The following KIAA1549 variants were observed in gnomAD, a reference collection of about 807,000 sequenced individuals.
KIAA1549 encodes the protein KIAA1549.
In KIAA1549, 70 loss-of-function variants were observed where a neutral mutation model predicts 156.4. That is an observed-to-expected ratio of 0.45 (90% CI 0.37 to 0.55). The LOEUF (loss-of-function observed/expected upper bound fraction) is 0.55. Among genes scored for constraint, KIAA1549 ranks in the 20% least tolerant of loss-of-function variants. KIAA1549 has a pLI of 0.00. For missense variants in KIAA1549, 2,428 were observed against 2,540.9 expected (o/e 0.96, Z 0.96); for synonymous variants, 1,103 against 1,066.4 (o/e 1.03, Z -0.67).
At chr7:138,860,293 C>T (rs1810534882) in intron 16 of KIAA1549, among the ~76,000 whole-genome samples, 2 of 152,198 alleles carry the variant, frequency 1.3e-5, no homozygotes, top group Non-Finnish European at 1.5e-5. Flanking sequence ...CCTCCCATGC[C>T]CTGAAGGAGA....
intron 1 of KIAA1549, among the ~76,000 whole-genome samples, chr7:138,969,834 C>G (rs1234032934): frequency 1.3e-5 from 2 of 152,316 alleles, no homozygotes; most frequent in African/African-American, 4.8e-5. Flanking sequence ...CTCAGGTGAT[C>G]TGACCACCTC....
chr7:138,889,524 G>T (rs1303117277), intron 10 of KIAA1549, among the ~76,000 whole-genome samples: 1 of 152,198 alleles, frequency 6.6e-6, no homozygotes, highest in Non-Finnish European at 1.5e-5. Context: ...TCAACAACAA[G>T]ATGCGACACA....
chr7:138,955,823 G>A (rs533263484), intron 1 of KIAA1549, among the ~76,000 whole-genome samples: 3 of 152,172 alleles, frequency 2.0e-5, no homozygotes, highest in African/African-American at 7.2e-5. Flanking sequence ...TTTATAATCA[G>A]AGACAAACTT....
At chr7:138,903,759 G>A (rs778555416) in intron 7 of KIAA1549, 23 bp from the exon 8 acceptor site, 7 of 1,547,174 alleles carry the variant, frequency 4.5e-6, no homozygotes, top group African/African-American at 1.4e-5. Context: ...GAAAACATAC[G>A]TGGCACCCAA....
At chr7:138,935,065 T>A (rs1812971287) in intron 1 of KIAA1549, among the ~76,000 whole-genome samples, 1 of 152,112 alleles carries the variant, frequency 6.6e-6, no homozygotes, top group African/African-American at 2.4e-5. Context: ...TTCCATTTCC[T>A]CCTCTAAAGA....
intron 15 of KIAA1549, among the ~76,000 whole-genome samples, chr7:138,864,149 C>T (rs575153960): frequency 1.4e-3 from 215 of 152,228 alleles, no homozygotes; most frequent in Middle Eastern, 3.4e-3. Context: ...CCGGTGGCTG[C>T]GTATGTGACT....
chr7:138,952,334 T>C (rs995884860), intron 1 of KIAA1549, among the ~76,000 whole-genome samples: 7 of 152,176 alleles, frequency 4.6e-5, no homozygotes, highest in Non-Finnish European at 8.8e-5. Flanking sequence ...ATTCTGGATC[T>C]AAACAAGATG....
In KIAA1549 at chr7:138,836,052, T is replaced by C. The variant is rs1161908070; in HGVS notation, c.*1854A>G. On this transcript the variant is annotated 3_prime_UTR_variant, in exon 20 of 20. Coordinates refer to ENST00000422774, the MANE Select transcript of KIAA1549 (RefSeq NM_001164665.2). ...TGGTTTTGAAATCCAGTGATTACAC[T>C]TTGGAAACCTGTTTTAGCTGTTTCA... is the stretch of plus-strand genomic sequence containing the variant. 3 of 212,352 alleles carry C rather than the reference T, an allele frequency of 1.4e-5. No homozygotes were observed. The highest frequency in any genetic ancestry group is 5.9e-5 in the Admixed American group (1 of 17,006). The allele number at this position is 212,352 out of a possible 1,614,324, so 13.2% of individuals were successfully genotyped here.
chr7:138,885,273 A>G (rs1237059667), intron 10 of KIAA1549, among the ~76,000 whole-genome samples: 1 of 152,150 alleles, frequency 6.6e-6, no homozygotes, highest in Non-Finnish European at 1.5e-5. Flanking sequence ...TGGAGTCCTG[A>G]TAAGTAACAA....
intron 1 of KIAA1549, among the ~76,000 whole-genome samples, chr7:138,976,587 T>C (rs1458563942): frequency 6.6e-6 from 1 of 152,212 alleles, no homozygotes; most frequent in Non-Finnish European, 1.5e-5. Context: ...AATCTCTTAC[T>C]GTGCCTCATT....
intron 1 of KIAA1549, among the ~76,000 whole-genome samples, chr7:138,963,690 A>G (rs1400165840): frequency 1.3e-5 from 2 of 152,236 alleles, no homozygotes; most frequent in Non-Finnish European, 2.9e-5. Flanking sequence ...GTTTTTGAAC[A>G]AAGTACTCAT....
At chr7:138,968,619 G>A (rs563090290) in intron 1 of KIAA1549, among the ~76,000 whole-genome samples, 7 of 151,344 alleles carry the variant, frequency 4.6e-5, no homozygotes, top group South Asian at 2.1e-4. Flanking sequence ...AGGCCGAGGC[G>A]GGCAGATCAT....
chr7:138,845,881 A>G (rs774547944), intron 17 of KIAA1549, among the ~76,000 whole-genome samples: 7 of 152,174 alleles, frequency 4.6e-5, no homozygotes, highest in Non-Finnish European at 7.4e-5. Flanking sequence ...TTTTCAAGAC[A>G]GTGTCTGCCA....
chr7:138,833,348 C>A lies in KIAA1549; in HGVS notation c.*4558G>T, dbSNP rs1316984242. On this transcript the variant is annotated 3_prime_UTR_variant, in exon 20 of 20. Coordinates refer to ENST00000422774, the MANE Select transcript of KIAA1549 (RefSeq NM_001164665.2). ...GAATTACTGCCAATGCACTGCAAAT[C>A]AGTGTCCGAATGACTGGCTTGGTCA... 3 of 232,548 alleles carry A rather than the reference C, an allele frequency of 1.3e-5. No homozygotes were observed. The Admixed American group carries it at 1.7e-4, about 13-fold the overall frequency. The allele number at this position is 232,548 out of a possible 1,614,324, so 14.4% of individuals were successfully genotyped here. A position where few individuals can be genotyped will look rare whatever the true frequency, so the allele number is the denominator to read the frequency against.
chr7:138,880,442 T>G (rs1811208901), intron 11 of KIAA1549, among the ~76,000 whole-genome samples: 1 of 152,260 alleles, frequency 6.6e-6, no homozygotes, highest in South Asian at 2.1e-4. Context: ...CTCATTTTCT[T>G]TTGTAAAGAT....
At chr7:138,843,792 CTA>C (rs890412930) in intron 18 of KIAA1549, among the ~76,000 whole-genome samples, 1 of 152,102 alleles carries the variant, frequency 6.6e-6, no homozygotes, top group Non-Finnish European at 1.5e-5. Flanking sequence ...CCAGGACACA[CTA>C]TTTTTTTGCT....
chr7:138,844,383 C>T lies in KIAA1549; in HGVS notation c.5386G>A (p.Ala1796Thr), dbSNP rs1584697419. 6.2e-7 allele frequency: 1 copy of T among 1,611,884 alleles called. No homozygotes were observed. Among genetic ancestry groups the T allele is most frequent in the Non-Finnish European group, 8.5e-7 (1 of 1,178,822 alleles). The change falls in exon 18 of 20, where the codon GCC becomes ACC. Residue 1796 changes from alanine to threonine, a missense_variant. Transcript: ENST00000422774. ...ATCTCCTCCGAGTAGATCCCTCTGG[C>T]AGCAAATGGGGCTTCGGCGGAGGCC... is the stretch of plus-strand genomic sequence containing the variant. The part of the protein sequence containing the change: ...PQASAEAPFA[A>T]RGIYSEEMPS...
At chr7:138,956,516 T>C (rs949731381) in intron 1 of KIAA1549, among the ~76,000 whole-genome samples, 1 of 152,122 alleles carries the variant, frequency 6.6e-6, no homozygotes, top group African/African-American at 2.4e-5. Context: ...GTTTCCTCCA[T>C]ACTATTCTGG....
intron 10 of KIAA1549, 135 bp downstream of exon 10, chr7:138,894,207 C>G (rs552720474): frequency 1.7e-4 from 138 of 803,292 alleles, no homozygotes; most frequent in East Asian, 7.6e-5. Context: ...CAAAGTGATA[C>G]CACTATTAAA....
Sources: allele counts gnomAD v4.1 joint callset (sites outside exome capture counted in the v4.1 genomes callset), GRCh38; gene constraint gnomAD v4.1.1; transcripts MANE v1.5; gene names NCBI Gene and HGNC (gene_info 2026-07-23, HGNC 2026-07-21).